Variants in DLG1 observed in about 807,000 individuals in gnomAD.
DLG1 encodes the protein disks large homolog 1.
In DLG1, 42 loss-of-function variants were observed where a neutral mutation model predicts 123.4. The observed-to-expected ratio is 0.34, with a 90% CI of 0.27 to 0.44. The LOEUF is 0.44. Among genes scored for constraint, DLG1 ranks in the 20% least tolerant of loss-of-function variants. The pLI is 1.00. For synonymous variants in DLG1, 317 were observed against 356.2 expected (o/e 0.89, Z 1.24); for missense variants, 942 against 1,082.6 (o/e 0.87, Z 1.82).
At chr3:197,155,043 A>G (rs752060195) in intron 5 of DLG1, among the ~76,000 whole-genome samples, 2 of 152,204 alleles carry the variant, frequency 1.3e-5, no homozygotes, top group African/African-American at 2.4e-5. Context: ...AACTTCTCAG[A>G]TTTCATGAAA....
chr3:197,221,792 G>T (rs1017804943), intron 4 of DLG1, among the ~76,000 whole-genome samples: 2 of 152,150 alleles, frequency 1.3e-5, no homozygotes, highest in Non-Finnish European at 2.9e-5. Flanking sequence ...CCCTGCTTTT[G>T]TTTAATATAG....
At chr3:197,254,950 G>A (rs895546814) in intron 4 of DLG1, among the ~76,000 whole-genome samples, 1 of 152,024 alleles carries the variant, frequency 6.6e-6, no homozygotes, top group African/African-American at 2.4e-5. Flanking sequence ...TAGCTACTCA[G>A]GAGGATGAGG....
chr3:197,161,477 C>T (rs181885892), intron 5 of DLG1, among the ~76,000 whole-genome samples: 2 of 152,158 alleles, frequency 1.3e-5, no homozygotes, highest in African/African-American at 4.8e-5. Context: ...CCTGACTCCA[C>T]TTATATTAAA....
At chr3:197,288,096 T>C (rs1386041939) in intron 3 of DLG1, among the ~76,000 whole-genome samples, 1 of 152,126 alleles carries the variant, frequency 6.6e-6, no homozygotes, top group Admixed American at 6.5e-5. Context: ...CCGGGTGCAG[T>C]GGCTCACACC....
chr3:197,284,219 A>G (rs1770743088), intron 3 of DLG1, among the ~76,000 whole-genome samples: 1 of 152,114 alleles, frequency 6.6e-6, no homozygotes, highest in African/African-American at 2.4e-5. Flanking sequence ...GGGCTGGTAA[A>G]AACTAACACT....
chr3:197,223,424 T>C (rs1229354054), intron 4 of DLG1, among the ~76,000 whole-genome samples: 1 of 152,216 alleles, frequency 6.6e-6, no homozygotes, highest in Non-Finnish European at 1.5e-5. Flanking sequence ...AACAGAATGG[T>C]TAAGAGGTAA....
chr3:197,157,603 A>C (rs1412417716), intron 5 of DLG1, among the ~76,000 whole-genome samples: 3 of 152,206 alleles, frequency 2.0e-5, no homozygotes, highest in African/African-American at 7.2e-5. Context: ...ACTATTGCAA[A>C]AATGTCAATA....
intron 4 of DLG1, among the ~76,000 whole-genome samples, chr3:197,208,550 T>C (rs972589632): frequency 3.4e-5 from 5 of 146,342 alleles, no homozygotes; most frequent in African/African-American, 9.7e-5. Context: ...TCATTCTTAT[T>C]CAAATAAGAG....
chr3:197,184,297 C>T (rs1418432082), intron 5 of DLG1, among the ~76,000 whole-genome samples: 1 of 152,144 alleles, frequency 6.6e-6, no homozygotes, highest in Non-Finnish European at 1.5e-5. Flanking sequence ...AATCCAATGG[C>T]ACCTTCACTG....
At chr3:197,088,267 A>T (rs1164999909) in intron 15 of DLG1, among the ~76,000 whole-genome samples, 1 of 152,216 alleles carries the variant, frequency 6.6e-6, no homozygotes, top group Non-Finnish European at 1.5e-5. Context: ...AAAATAGGAT[A>T]GCTAGAAAAA....
intron 5 of DLG1, among the ~76,000 whole-genome samples, chr3:197,179,161 C>A (rs953273056): frequency 1.3e-5 from 2 of 152,158 alleles, no homozygotes; most frequent in Non-Finnish European, 2.9e-5. Context: ...ATAGAGAAGG[C>A]AGAGCTGCAA....
At chr3:197,059,254 C>G (rs889287119) in intron 23 of DLG1, among the ~76,000 whole-genome samples, 3 of 152,162 alleles carry the variant, frequency 2.0e-5, no homozygotes, top group Admixed American at 6.5e-5. Flanking sequence ...CTAAGTAATA[C>G]TTCTTGCCTT....
chr3:197,269,199 G>A (rs1028549035), intron 4 of DLG1, among the ~76,000 whole-genome samples: 4 of 152,002 alleles, frequency 2.6e-5, no homozygotes, highest in South Asian at 2.1e-4. Context: ...CTAATTATAC[G>A]TGCTATGCTT....
intron 5 of DLG1, among the ~76,000 whole-genome samples, chr3:197,193,556 T>C (rs972368503): frequency 6.6e-6 from 1 of 152,150 alleles, no homozygotes; most frequent in African/African-American, 2.4e-5. Flanking sequence ...TAAATTGTAG[T>C]ATATTCATAA....
At chr3:197,091,633 TA>T (rs1310065148) in intron 14 of DLG1, among the ~76,000 whole-genome samples, 2 of 152,082 alleles carry the variant, frequency 1.3e-5, no homozygotes, top group Non-Finnish European at 2.9e-5. Context: ...TTATTTAAAA[TA>T]TTTTTTATAC....
chr3:197,092,203 T>A (rs1281717363), intron 14 of DLG1, among the ~76,000 whole-genome samples: 1 of 152,188 alleles, frequency 6.6e-6, no homozygotes, highest in East Asian at 1.9e-4. Flanking sequence ...CATAAAAATA[T>A]ATCATGAGTT....
chr3:197,046,299 GA>G (rs1183727626), intron 24 of DLG1, among the ~76,000 whole-genome samples: 1 of 152,194 alleles, frequency 6.6e-6, no homozygotes, highest in Non-Finnish European at 1.5e-5. Flanking sequence ...GTCAGGAACT[GA>G]CTTGGGAAAT....
At chr3:197,261,249 A>G (rs1316055687) in intron 4 of DLG1, among the ~76,000 whole-genome samples, 1 of 152,218 alleles carries the variant, frequency 6.6e-6, no homozygotes, top group Non-Finnish European at 1.5e-5. Flanking sequence ...TTTCAGTATC[A>G]TAAGCTTCCA....
intron 24 of DLG1, among the ~76,000 whole-genome samples, chr3:197,049,423 A>C (rs1189516800): frequency 6.6e-6 from 1 of 152,248 alleles, no homozygotes; most frequent in Non-Finnish European, 1.5e-5. Context: ...AACATAATCA[A>C]CAATAGCCCA....
Sources: gnomAD v4.1 joint callset for allele counts (sites outside exome capture counted in the v4.1 genomes callset) on GRCh38, gnomAD v4.1.1 for gene constraint, MANE v1.5 for transcripts, NCBI Gene and HGNC (gene_info 2026-07-23, HGNC 2026-07-21) for gene names.